Variants in FAM81A observed in about 807,000 individuals in gnomAD.
The protein encoded by FAM81A is protein FAM81A.
Under a neutral mutation model 46.7 loss-of-function variants are expected in FAM81A, and 19 were observed. The observed-to-expected ratio is 0.41, with a 90% CI of 0.28 to 0.60. The LOEUF is 0.60. Ranked by LOEUF, FAM81A falls within the 20% of genes least tolerant of loss-of-function variation. FAM81A has a pLI of 0.34. For missense variants in FAM81A, 377 were observed against 453.5 expected, an observed-to-expected ratio of 0.83 and a Z score of 1.53; for synonymous variants, 183 against 152.9, an observed-to-expected ratio of 1.20 and a Z score of -1.45.
At chr15:59,519,671 C>G (rs777645064) in intron 8 of FAM81A, among the ~76,000 whole-genome samples, 1 of 129,622 alleles carries the variant, frequency 7.7e-6, no homozygotes, top group African/African-American at 2.9e-5. Context: ...ATTTTTCTTT[C>G]TGTATCTGTC....
chr15:59,410,795 G>C (rs1294306877), intron 2 of FAM81A, among the ~76,000 whole-genome samples: 2 of 152,198 alleles, frequency 1.3e-5, no homozygotes, highest in African/African-American at 2.4e-5. Context: ...CCAGGCTATT[G>C]TGCAGTGGCT....
At chr15:59,514,102 A>AAG (rs2082242334) in intron 6 of FAM81A, among the ~76,000 whole-genome samples, 187 bp from the exon 7 acceptor site, 3 of 152,176 alleles carry the variant, frequency 2.0e-5, no homozygotes, top group African/African-American at 7.2e-5. Flanking sequence ...GGAGAGCATC[A>AAG]GGAAAAATAG....
At chr15:59,467,770 C>T (rs1196677068) in intron 3 of FAM81A, among the ~76,000 whole-genome samples, 1 of 152,166 alleles carries the variant, frequency 6.6e-6, no homozygotes, top group African/African-American at 2.4e-5. Context: ...TGAGAGAGAG[C>T]ATCCTTGTTT....
At chr15:59,471,471 C>A (rs1567058263) in intron 3 of FAM81A, among the ~76,000 whole-genome samples, 3 of 151,626 alleles carry the variant, frequency 2.0e-5, no homozygotes, top group African/African-American at 7.3e-5. Flanking sequence ...AATTCATGTT[C>A]TTTTTTTTCT....
chr15:59,478,674 A>G (rs2081805445), intron 3 of FAM81A, among the ~76,000 whole-genome samples: 3 of 152,342 alleles, frequency 2.0e-5, no homozygotes, highest in South Asian at 4.1e-4. Context: ...TCTACCCACT[A>G]GATGTGGCGT....
intron 1 of FAM81A, among the ~76,000 whole-genome samples, chr15:59,439,435 T>C (rs955303075): frequency 3.3e-4 from 50 of 151,998 alleles, no homozygotes; most frequent in African/African-American, 1.1e-3. Flanking sequence ...TTGGCACTTA[T>C]AATATTTTTA....
upstream of FAM81A, among the ~76,000 whole-genome samples, chr15:59,433,421 A>G (rs1261379983): frequency 2.0e-5 from 3 of 152,164 alleles, no homozygotes; most frequent in Non-Finnish European, 4.4e-5. Flanking sequence ...CGTAAACATT[A>G]TTAAAAGGAT....
At chr15:59,499,956 G>A (rs1475894906) in intron 4 of FAM81A, among the ~76,000 whole-genome samples, 1 of 151,572 alleles carries the variant, frequency 6.6e-6, no homozygotes, top group South Asian at 2.1e-4. Context: ...AGGTTCAAGC[G>A]AGTCTCATGC....
intron 7 of FAM81A, among the ~76,000 whole-genome samples, chr15:59,515,622 T>G (rs1456408197): frequency 1.3e-5 from 2 of 152,214 alleles, no homozygotes; most frequent in African/African-American, 4.8e-5. Context: ...AAGGAAAGAC[T>G]TAATTTTCAT....
intron 3 of FAM81A, among the ~76,000 whole-genome samples, chr15:59,473,862 A>T (rs2081730941): frequency 6.6e-6 from 1 of 152,180 alleles, no homozygotes; most frequent in Non-Finnish European, 1.5e-5. Context: ...ATTTTTTTAG[A>T]GACAAGGTCT....
intron 1 of FAM81A, among the ~76,000 whole-genome samples, chr15:59,452,641 T>A (rs2081432727): frequency 6.6e-6 from 1 of 152,194 alleles, no homozygotes; most frequent in South Asian, 2.1e-4. Flanking sequence ...AATGAGACAG[T>A]GTCTCACACA....
At chr15:59,480,855 A>G (rs552242861) in intron 3 of FAM81A, among the ~76,000 whole-genome samples, 53 of 152,300 alleles carry the variant, frequency 3.5e-4, no homozygotes, top group African/African-American at 1.3e-3. Flanking sequence ...TACTTTTCTA[A>G]GTTTTCATTC....
intron 2 of FAM81A, among the ~76,000 whole-genome samples, chr15:59,419,155 G>A (rs1473217036): frequency 3.9e-5 from 6 of 152,130 alleles, no homozygotes; most frequent in African/African-American, 1.4e-4. Flanking sequence ...CAGTAGGCAC[G>A]CCCATAACAA....
At chr15:59,504,600 A>C (rs1050984433) in intron 4 of FAM81A, among the ~76,000 whole-genome samples, 1 of 151,770 alleles carries the variant, frequency 6.6e-6, no homozygotes, top group Non-Finnish European at 1.5e-5. Flanking sequence ...TTTGCACCCT[A>C]CTCCTTCTTT....
intron 6 of FAM81A, among the ~76,000 whole-genome samples, chr15:59,513,490 G>A (rs1361484208): frequency 1.3e-5 from 2 of 152,186 alleles, no homozygotes; most frequent in Admixed American, 6.5e-5. Flanking sequence ...CGTACTCCTC[G>A]TGGGTAGGAA....
At chr15:59,435,142 C>G (rs1157610699), upstream of FAM81A, among the ~76,000 whole-genome samples, 19 of 152,166 alleles carry the variant, frequency 1.2e-4, no homozygotes, top group Admixed American at 1.2e-3. Context: ...CAAAAATTAG[C>G]TGGGCGTGGT....
At chr15:59,433,374 T>C (rs1256368803), upstream of FAM81A, among the ~76,000 whole-genome samples, 3 of 152,010 alleles carry the variant, frequency 2.0e-5, no homozygotes, top group African/African-American at 7.2e-5. Flanking sequence ...GGCTGAACTT[T>C]CCCTGTTATG....
At chr15:59,423,669 G>C (rs1222185326) in intron 2 of FAM81A, among the ~76,000 whole-genome samples, 2 of 152,078 alleles carry the variant, frequency 1.3e-5, no homozygotes, top group African/African-American at 4.8e-5. Flanking sequence ...TTAAATATTT[G>C]GAAATAAGGA....
chr15:59,478,619 C>T (rs1171485881), intron 3 of FAM81A, among the ~76,000 whole-genome samples: 2 of 152,076 alleles, frequency 1.3e-5, no homozygotes, highest in African/African-American at 2.4e-5. Flanking sequence ...GGTATATCAG[C>T]GGAGGGGTTT....
Sources: gnomAD v4.1 joint callset for allele counts (sites outside exome capture counted in the v4.1 genomes callset) on GRCh38, gnomAD v4.1.1 for gene constraint, MANE v1.5 for transcripts, NCBI Gene and HGNC (gene_info 2026-07-23, HGNC 2026-07-21) for gene names.